The following SUGCT variants were observed in gnomAD, a reference collection of about 807,000 sequenced individuals.
The protein encoded by SUGCT is succinyl-CoA:glutarate-CoA transferase.
SUGCT carries 41 observed loss-of-function variants against 55.0 expected under a neutral mutation model. The ratio of observed to expected loss-of-function variants is 0.74; its 90% CI spans 0.58 to 0.97. The LOEUF (loss-of-function observed/expected upper bound fraction) is 0.97. Among genes scored for constraint, SUGCT ranks in the 50% least tolerant of loss-of-function variants. SUGCT has a pLI of 0.00. For missense variants in SUGCT, 568 were observed against 547.8 expected (o/e 1.04, Z -0.37); for synonymous variants, 187 against 200.4 (o/e 0.93, Z 0.56).
intron 9 of SUGCT, among the ~76,000 whole-genome samples, chr7:40,344,938 A>G (rs1242627659): frequency 2.0e-5 from 3 of 152,212 alleles, no homozygotes; most frequent in Non-Finnish European, 2.9e-5. Context: ...GCAACTCAGC[A>G]TTCAGCCAAG....
At chr7:40,695,360 G>C (rs768592340) in intron 12 of SUGCT, among the ~76,000 whole-genome samples, 1 of 151,698 alleles carries the variant, frequency 6.6e-6, no homozygotes, top group Non-Finnish European at 1.5e-5. Flanking sequence ...ACCATGCCTG[G>C]CTAATTTTTG....
intron 1 of SUGCT, among the ~76,000 whole-genome samples, chr7:40,139,184 G>T (rs964605395): frequency 1.3e-5 from 2 of 148,558 alleles, no homozygotes; most frequent in Non-Finnish European, 3.0e-5. Context: ...ATAAATCCAG[G>T]ATTCATAATA....
At chr7:41,020,712 C>G in the SUGCT span, among the ~76,000 whole-genome samples, 3 of 152,298 alleles carry the variant, frequency 2.0e-5, no homozygotes, top group African/African-American at 7.2e-5. Flanking sequence ...CTGAGCAGTT[C>G]TAGCAACGTG....
chr7:40,547,163 A>C (rs1795035249), intron 12 of SUGCT, among the ~76,000 whole-genome samples: 1 of 152,126 alleles, frequency 6.6e-6, no homozygotes, highest in East Asian at 1.9e-4. Flanking sequence ...ATGTGGTTCC[A>C]CTTTGAGGAT....
chr7:40,691,364 A>G (rs920656524), intron 12 of SUGCT, among the ~76,000 whole-genome samples: 3 of 151,746 alleles, frequency 2.0e-5, no homozygotes, highest in Non-Finnish European at 4.4e-5. Context: ...TTCTCCTCAC[A>G]GCTGGATCAT....
At chr7:40,514,710 C>CAAA (rs914527174) in intron 12 of SUGCT, among the ~76,000 whole-genome samples, 7 of 13,888 alleles carry the variant, frequency 5.0e-4, no homozygotes, top group African/African-American at 1.3e-3. Context: ...AACTCCGTCT[C>CAAA]AAAAAAAAAA....
At chr7:41,010,484 G>A in the SUGCT span, among the ~76,000 whole-genome samples, 1 of 152,346 alleles carries the variant, frequency 6.6e-6, no homozygotes, top group Admixed American at 6.5e-5. Context: ...TTCCTTCTCT[G>A]TAGACCAGTT....
the SUGCT span, among the ~76,000 whole-genome samples, chr7:41,009,777 T>G: frequency 4.6e-5 from 7 of 152,206 alleles, no homozygotes; most frequent in Non-Finnish European, 1.0e-4. Context: ...TACAATGTTT[T>G]CATTATGTGG....
At chr7:40,288,663 A>T (rs1384752918) in intron 8 of SUGCT, among the ~76,000 whole-genome samples, 1 of 152,064 alleles carries the variant, frequency 6.6e-6, no homozygotes, top group African/African-American at 2.4e-5. Flanking sequence ...AAAATTCCCT[A>T]TTAGCCCCAT....
chr7:40,237,769 A>G (rs1226499652), intron 7 of SUGCT, 43 bp downstream of exon 7: 4 of 1,545,104 alleles, frequency 2.6e-6, no homozygotes, highest in Admixed American at 1.7e-5. Flanking sequence ...CTTCCCTTAC[A>G]TATTCCAAAA....
chr7:40,455,516 G>A lies in SUGCT; in HGVS notation c.889-3585G>A, dbSNP rs115814007. ...GAAAAATATACAAACACAAACAAAA[G>A]AGGCAAACACTAATGAAAAGAAAAC... On this transcript the variant is annotated intron_variant, in intron 10 of 13. Transcript: ENST00000335693. Among the ~76,000 whole-genome samples the A allele has an allele frequency of 9.8e-3, 1,498 of 152,188 alleles. 15 individuals are homozygous for A. Among genetic ancestry groups the A allele is most frequent in the Middle Eastern group, 0.048 (14 of 292 alleles).
intron 12 of SUGCT, among the ~76,000 whole-genome samples, chr7:40,547,501 T>G (rs1795055795): frequency 1.3e-5 from 2 of 152,208 alleles, no homozygotes; most frequent in African/African-American, 4.8e-5. Flanking sequence ...ATGGACTTAA[T>G]CTTATTATAT....
chr7:40,808,577 A>C (rs1791232757), intron 13 of SUGCT, among the ~76,000 whole-genome samples: 1 of 152,176 alleles, frequency 6.6e-6, no homozygotes, highest in Non-Finnish European at 1.5e-5. Flanking sequence ...TCCAAACCTA[A>C]TAAGGAAGTC....
At chr7:40,380,583 G>T (rs189476523) in intron 9 of SUGCT, among the ~76,000 whole-genome samples, 2 of 152,052 alleles carry the variant, frequency 1.3e-5, no homozygotes, top group African/African-American at 2.4e-5. Flanking sequence ...GGGTTGCATC[G>T]CATCCCCTAG....
At chr7:40,475,957 C>T (rs1790646233) in intron 11 of SUGCT, among the ~76,000 whole-genome samples, 1 of 152,046 alleles carries the variant, frequency 6.6e-6, no homozygotes, top group African/African-American at 2.4e-5. Context: ...CTTTATTGCT[C>T]ACCTCCTCTT....
chr7:40,785,639 C>T (rs1301458474), intron 13 of SUGCT, among the ~76,000 whole-genome samples: 6 of 152,054 alleles, frequency 3.9e-5, no homozygotes, highest in Admixed American at 3.3e-4. Flanking sequence ...CACACGGTTC[C>T]ATTTTCAATG....
chr7:40,749,301 T>G (rs1444423504), intron 12 of SUGCT, 133 bp from the exon 13 acceptor site: 1 of 731,456 alleles, frequency 1.4e-6, no homozygotes, highest in African/African-American at 1.8e-5. Flanking sequence ...TACTTTCAAA[T>G]GAAAATGTTA....
At chr7:40,455,812 C>T (rs1034059560) in intron 10 of SUGCT, among the ~76,000 whole-genome samples, 4 of 152,136 alleles carry the variant, frequency 2.6e-5, no homozygotes, top group African/African-American at 7.2e-5. Flanking sequence ...TATTTCAGTA[C>T]TGAGTTATCA....
intron 8 of SUGCT, among the ~76,000 whole-genome samples, chr7:40,275,636 C>T (rs577892488): frequency 3.3e-5 from 5 of 152,042 alleles, no homozygotes; most frequent in Non-Finnish European, 5.9e-5. Flanking sequence ...TTGTCACCTA[C>T]ATTTATAATA....
Sources: allele counts gnomAD v4.1 joint callset (sites outside exome capture counted in the v4.1 genomes callset), GRCh38; gene constraint gnomAD v4.1.1; transcripts MANE v1.5; gene names NCBI Gene and HGNC (gene_info 2026-07-23, HGNC 2026-07-21).